The following C3orf85 variants were observed in gnomAD, a reference collection of about 807,000 sequenced individuals.
C3orf85 encodes the protein chromosome 3 open reading frame 85, also known as uncharacterized protein C3orf85.
Under a neutral mutation model 1.7 loss-of-function variants are expected in C3orf85, and 1 was observed. That is an observed-to-expected ratio of 0.60 (90% CI 0.21 to 2.86). The LOEUF (loss-of-function observed/expected upper bound fraction) is 2.86. Among genes scored for constraint, C3orf85 ranks in the 30% most tolerant of loss-of-function variants. The pLI, the probability that C3orf85 is intolerant of heterozygous loss-of-function variation, is 0.22. For missense variants in C3orf85, 29 were observed against 21.3 expected (o/e 1.36, Z -0.72); for synonymous variants, 17 against 8.0 (o/e 2.13, Z -1.90).
intron 3 of C3orf85, 110 bp from the exon 4 acceptor site, chr3:109,149,695 C>T: frequency 2.5e-6 from 1 of 393,126 alleles, no homozygotes; most frequent in Non-Finnish European, 4.5e-6. Context: ...ATAATTCTTC[C>T]ATTATATTTT....
intron 2 of C3orf85, among the ~76,000 whole-genome samples, chr3:109,138,251 G>A (rs991682487): frequency 7.2e-5 from 11 of 152,166 alleles, no homozygotes; most frequent in Non-Finnish European, 1.5e-4. Context: ...TTATGAAATA[G>A]CAAGTTGAGA....
At chr3:109,144,415 A>C (rs1310258170) in intron 2 of C3orf85, among the ~76,000 whole-genome samples, 1 of 152,150 alleles carries the variant, frequency 6.6e-6, no homozygotes, top group African/African-American at 2.4e-5. Flanking sequence ...GATAATAAAT[A>C]CTAGTTTCTG....
chr3:109,146,605 G>A (rs1405043584), intron 2 of C3orf85, among the ~76,000 whole-genome samples: 1 of 152,128 alleles, frequency 6.6e-6, no homozygotes, highest in Non-Finnish European at 1.5e-5. Context: ...CTATTAGTGG[G>A]AGGCATCATT....
intron 2 of C3orf85, among the ~76,000 whole-genome samples, chr3:109,146,028 T>C (rs1706795576): frequency 6.6e-6 from 1 of 152,228 alleles, no homozygotes; most frequent in Admixed American, 6.5e-5. Context: ...CATGACAGTA[T>C]CAAAATTGCT....
At chr3:109,142,231 C>G (rs1216838473) in intron 2 of C3orf85, among the ~76,000 whole-genome samples, 1 of 152,114 alleles carries the variant, frequency 6.6e-6, no homozygotes, top group Non-Finnish European at 1.5e-5. Context: ...ACCATTTATA[C>G]TTTATTTCAG....
Position 109,149,934 on chromosome 3 carries a change from G to C in C3orf85, c.*40G>C, listed in dbSNP as rs1706849857. 5 of 397,914 alleles carry C rather than the reference G, an allele frequency of 1.3e-5. No individual in the cohort carries two copies. The Admixed American group carries it at 2.2e-4, about 18-fold the overall frequency. 24.6% of individuals were successfully genotyped at this position (397,914 alleles called of 1,614,324 possible). On this transcript the variant is annotated 3_prime_UTR_variant, in exon 4 of 4. Transcript: ENST00000622536. ...TTAAAGCAGGAGGATGAAGATGGCA[G>C]AGGTTGGAATGGCATTGTGCCAAAA...
At chr3:109,139,572 G>GT (rs1460951120) in intron 2 of C3orf85, among the ~76,000 whole-genome samples, 12 of 152,002 alleles carry the variant, frequency 7.9e-5, no homozygotes, top group Admixed American at 3.3e-4. Flanking sequence ...TTTATACTGG[G>GT]TTTTTTTTGT....
At chr3:109,139,677 G>A (rs1321198695) in intron 2 of C3orf85, among the ~76,000 whole-genome samples, 1 of 152,056 alleles carries the variant, frequency 6.6e-6, no homozygotes, top group Non-Finnish European at 1.5e-5. Context: ...ATGTTCTCCT[G>A]ATCAGATTTG....
chr3:109,137,310 G>A (rs1270152929), intron 2 of C3orf85, among the ~76,000 whole-genome samples: 1 of 152,036 alleles, frequency 6.6e-6, no homozygotes, highest in Non-Finnish European at 1.5e-5. Flanking sequence ...GTAGCTCAAA[G>A]TGGTGCTTTA....
At chr3:109,146,609 C>A (rs960213221) in intron 2 of C3orf85, among the ~76,000 whole-genome samples, 5 of 152,238 alleles carry the variant, frequency 3.3e-5, no homozygotes, top group Non-Finnish European at 7.4e-5. Context: ...TAGTGGGAGG[C>A]ATCATTTCCT....
At chr3:109,137,337 G>A (rs1706689034) in intron 2 of C3orf85, among the ~76,000 whole-genome samples, 1 of 151,970 alleles carries the variant, frequency 6.6e-6, no homozygotes, top group Admixed American at 6.6e-5. Flanking sequence ...GATCAAGGAA[G>A]GCACCAGAGG....
chr3:109,141,725 T>C (rs1706745210), intron 2 of C3orf85, among the ~76,000 whole-genome samples: 2 of 152,166 alleles, frequency 1.3e-5, no homozygotes, highest in African/African-American at 4.8e-5. Flanking sequence ...AGCTATGCCA[T>C]TGTGTGTAAA....
At chr3:109,139,384 C>T (rs756950468) in intron 2 of C3orf85, among the ~76,000 whole-genome samples, 3 of 152,150 alleles carry the variant, frequency 2.0e-5, no homozygotes, top group Non-Finnish European at 4.4e-5. Context: ...AGAACCAGGA[C>T]ACCACCAATG....
At chr3:109,141,170 A>G (rs1706740159) in intron 2 of C3orf85, among the ~76,000 whole-genome samples, 1 of 152,048 alleles carries the variant, frequency 6.6e-6, no homozygotes, top group Non-Finnish European at 1.5e-5. Context: ...TATTTTTAGT[A>G]GAGACGGGGT....
chr3:109,145,356 A>G (rs951003426), intron 2 of C3orf85, among the ~76,000 whole-genome samples: 4 of 152,246 alleles, frequency 2.6e-5, no homozygotes, highest in Admixed American at 2.0e-4. Flanking sequence ...GTATTATGCC[A>G]TGTGAAGTAA....
intron 2 of C3orf85, among the ~76,000 whole-genome samples, chr3:109,142,530 C>T (rs985779447): frequency 1.3e-5 from 2 of 152,136 alleles, no homozygotes; most frequent in East Asian, 3.8e-4. Flanking sequence ...AAATAGCTAG[C>T]AGTAGACCTC....
At chr3:109,145,927 A>G (rs1706792559) in intron 2 of C3orf85, among the ~76,000 whole-genome samples, 1 of 152,176 alleles carries the variant, frequency 6.6e-6, no homozygotes, top group Non-Finnish European at 1.5e-5. Context: ...CCTAGAATAC[A>G]TGCGCTTTGC....
At chr3:109,137,903 A>G (rs1280290854) in intron 2 of C3orf85, among the ~76,000 whole-genome samples, 3 of 152,046 alleles carry the variant, frequency 2.0e-5, no homozygotes, top group African/African-American at 4.8e-5. Context: ...AGCACATTGT[A>G]ATTTAAAGAC....
rs1245650518 is a variant in C3orf85, at chr3:109,145,549, G to A, written c.50-2704G>A. Among the ~76,000 whole-genome samples, 6 of 152,076 alleles carry A rather than the reference G, an allele frequency of 3.9e-5. No homozygotes were observed. The South Asian group carries it at 8.3e-4, about 21-fold the overall frequency. ...TGAAATAGTCCTGGAGATGGATAGCGGTGATGGTTACAAAACACTGTAGAT... is the reference window on the plus strand; with the variant it reads ...TGAAATAGTCCTGGAGATGGATAGCAGTGATGGTTACAAAACACTGTAGAT... On this transcript the variant is annotated intron_variant, in intron 2 of 3. Transcript: ENST00000622536.
Sources: gnomAD v4.1 joint callset for allele counts (sites outside exome capture counted in the v4.1 genomes callset) on GRCh38, gnomAD v4.1.1 for gene constraint, MANE v1.5 for transcripts, NCBI Gene and HGNC (gene_info 2026-07-23, HGNC 2026-07-21) for gene names.